Variants in ADAM12 observed in about 807,000 individuals in gnomAD.
ADAM12 encodes the protein disintegrin and metalloproteinase domain-containing protein 12.
A neutral mutation model predicts 106.4 loss-of-function variants in ADAM12; 70 were observed. The ratio of observed to expected loss-of-function variants is 0.66; its 90% CI spans 0.54 to 0.80. The LOEUF is 0.80. Among genes scored for constraint, ADAM12 ranks in the 30% least tolerant of loss-of-function variants. ADAM12 has a pLI of 0.00. For missense variants in ADAM12, 1,010 were observed against 1,171.9 expected (o/e 0.86, Z 2.02); for synonymous variants, 420 against 433.5 (o/e 0.97, Z 0.39).
At chr10:126,243,181 C>T (rs915969052) in intron 3 of ADAM12, among the ~76,000 whole-genome samples, 15 of 152,218 alleles carry the variant, frequency 9.9e-5, no homozygotes, top group African/African-American at 2.7e-4. Flanking sequence ...GCATGGAGGC[C>T]GCCCTGGCTG....
At chr10:126,225,680 C>T (rs926913993) in intron 3 of ADAM12, among the ~76,000 whole-genome samples, 4 of 152,160 alleles carry the variant, frequency 2.6e-5, no homozygotes, top group Non-Finnish European at 4.4e-5. Flanking sequence ...TCAGCCACTC[C>T]GATAACCAGC....
At chr10:126,313,483 G>C (rs1367421730) in intron 2 of ADAM12, among the ~76,000 whole-genome samples, 1 of 152,156 alleles carries the variant, frequency 6.6e-6, no homozygotes, top group African/African-American at 2.4e-5. Context: ...TCCCACCTGG[G>C]AAACAGAACA....
chr10:126,349,510 T>C (rs1855274171), intron 1 of ADAM12, among the ~76,000 whole-genome samples: 1 of 152,202 alleles, frequency 6.6e-6, no homozygotes, highest in African/African-American at 2.4e-5. Flanking sequence ...TTAAAACATG[T>C]TAAAGAAAGC....
chr10:126,307,699 C>A (rs994278115), intron 2 of ADAM12, among the ~76,000 whole-genome samples: 1 of 152,192 alleles, frequency 6.6e-6, no homozygotes, highest in East Asian at 1.9e-4. Flanking sequence ...TGCCACCATG[C>A]CCAGCTAATT....
At chr10:126,086,057 C>T (rs1192204614) in intron 11 of ADAM12, among the ~76,000 whole-genome samples, 1 of 152,154 alleles carries the variant, frequency 6.6e-6, no homozygotes, top group Non-Finnish European at 1.5e-5. Context: ...AATGTTTTCA[C>T]ACATGCTGTA....
chr10:126,295,910 A>C (rs35309563), intron 2 of ADAM12, among the ~76,000 whole-genome samples: 7 of 148,280 alleles, frequency 4.7e-5, no homozygotes, highest in East Asian at 4.1e-4. Context: ...CACACACACA[A>C]ACACACACAC....
intron 3 of ADAM12, among the ~76,000 whole-genome samples, chr10:126,206,857 G>GC (rs1554986871): frequency 7.3e-6 from 1 of 137,896 alleles, no homozygotes; most frequent in African/African-American, 2.9e-5. Context: ...TGTGTTGTGG[G>GC]GGCGGGGGGG....
At chr10:126,022,491 G>A (rs1347862581) in intron 21 of ADAM12, among the ~76,000 whole-genome samples, 1 of 152,206 alleles carries the variant, frequency 6.6e-6, no homozygotes, top group African/African-American at 2.4e-5. Flanking sequence ...AACAGTGGGG[G>A]TTAGTCCAAG....
intron 4 of ADAM12, among the ~76,000 whole-genome samples, chr10:126,142,157 C>T (rs548378293): frequency 6.6e-6 from 1 of 152,242 alleles, no homozygotes; most frequent in African/African-American, 2.4e-5. Flanking sequence ...AGAAAAGCTG[C>T]CGAGACCAGC....
chr10:126,327,454 T>C (rs1346594953), intron 2 of ADAM12, among the ~76,000 whole-genome samples: 1 of 151,738 alleles, frequency 6.6e-6, no homozygotes, highest in Non-Finnish European at 1.5e-5. Flanking sequence ...TCAGATAAAA[T>C]GTTTAAGAGT....
chr10:126,109,721 C>T, intron 7 of ADAM12, 54 bp downstream of exon 7: 1 of 1,526,514 alleles, frequency 6.6e-7, no homozygotes, highest in Non-Finnish European at 8.9e-7. Context: ...AAAACATGTC[C>T]TTTTTTCTTT....
rs528695948 is a variant in ADAM12 at position 126,276,874 on chromosome 10, T to C, written c.260+2041A>G. 7.8e-4 allele frequency among the ~76,000 whole-genome samples: 119 copies of C among 152,342 alleles called. 1 individual carries two copies. The highest frequency in any genetic ancestry group is 2.8e-3 in the African/African-American group (115 of 41,586). ...ATATTTATACAAATTAGCTACTCTC[T>C]AGCAGTCAACGTGTATTATAGTATC... On this transcript the variant is annotated intron_variant, in intron 3 of 22. Transcript: ENST00000448723.
chr10:126,248,648 G>GGTAT (rs144495308), intron 3 of ADAM12, among the ~76,000 whole-genome samples: 3,410 of 148,072 alleles, frequency 0.023, 56 homozygotes, highest in East Asian at 0.033. Context: ...GAGCCTCACA[G>GGTAT]GTATGTATGT....
At chr10:126,358,136 G>A (rs919339336) in intron 1 of ADAM12, among the ~76,000 whole-genome samples, 79 of 146,512 alleles carry the variant, frequency 5.4e-4, no homozygotes, top group Middle Eastern at 3.3e-3. Flanking sequence ...CCGAGATCGC[G>A]CCACTGCACT....
At chr10:126,146,694 A>G (rs1321546977) in intron 4 of ADAM12, among the ~76,000 whole-genome samples, 3 of 152,178 alleles carry the variant, frequency 2.0e-5, no homozygotes, top group Non-Finnish European at 4.4e-5. Flanking sequence ...CCTTGCAGTC[A>G]GCTCCTCTCT....
intron 3 of ADAM12, among the ~76,000 whole-genome samples, chr10:126,198,397 A>G (rs1038451122): frequency 2.0e-5 from 3 of 152,222 alleles, no homozygotes; most frequent in Non-Finnish European, 4.4e-5. Flanking sequence ...GGCAAGTCTC[A>G]TCACCCACAT....
intron 3 of ADAM12, among the ~76,000 whole-genome samples, chr10:126,269,515 C>T (rs1001456097): frequency 1.4e-4 from 22 of 152,160 alleles, no homozygotes; most frequent in African/African-American, 4.6e-4. Context: ...CAGGCCATAA[C>T]GACCCCAGCC....
intron 2 of ADAM12, among the ~76,000 whole-genome samples, chr10:126,306,144 T>C (rs1464099421): frequency 3.9e-5 from 6 of 151,984 alleles, no homozygotes; most frequent in Admixed American, 2.6e-4. Context: ...TATTTTCTTG[T>C]GTATTAGTAT....
At chr10:126,160,336 T>C (rs1232848997) in intron 3 of ADAM12, among the ~76,000 whole-genome samples, 1 of 152,126 alleles carries the variant, frequency 6.6e-6, no homozygotes, top group African/African-American at 2.4e-5. Context: ...CAATGATATG[T>C]CCATTTAAAT....
Sources: allele counts gnomAD v4.1 joint callset (sites outside exome capture counted in the v4.1 genomes callset), GRCh38; gene constraint gnomAD v4.1.1; transcripts MANE v1.5; gene names NCBI Gene and HGNC (gene_info 2026-07-23, HGNC 2026-07-21).